Variants in DMD observed in about 807,000 individuals in gnomAD.
The protein encoded by DMD is dystrophin.
A neutral mutation model predicts 330.1 loss-of-function variants in DMD; 63 were observed. That is an observed-to-expected ratio of 0.19 (90% CI 0.16 to 0.24). The LOEUF is 0.24. Among genes scored for constraint, DMD ranks in the 10% least tolerant of loss-of-function variants. The pLI is 1.00. For synonymous variants in DMD, 1,223 were observed against 959.8 expected (o/e 1.27, Z -5.07); for missense variants, 3,344 against 2,684.1 (o/e 1.25, Z -5.43).
intron 44 of DMD, among the ~76,000 whole-genome samples, chrX:31,981,325 A>C (rs1294691857): frequency 8.9e-6 from 1 of 111,853 alleles, no homozygotes; most frequent in African/African-American, 3.3e-5. Context: ...AAAGCTCTTT[A>C]GAATAAAATT....
intron 9 of DMD, among the ~76,000 whole-genome samples, chrX:32,646,856 A>T: frequency 9.0e-6 from 1 of 111,591 alleles, no homozygotes; most frequent in Non-Finnish European, 1.9e-5. Context: ...TCATCCTGGT[A>T]AGTCAAAATC....
intron 43 of DMD, among the ~76,000 whole-genome samples, chrX:32,246,801 G>C (rs759715629): frequency 9.0e-6 from 1 of 110,644 alleles, no homozygotes; most frequent in African/African-American, 3.3e-5. Context: ...TGTGGGATCG[G>C]TGGTGATATC....
chrX:32,458,171 A>G (rs566758144), intron 25 of DMD, among the ~76,000 whole-genome samples: 1 of 111,002 alleles, frequency 9.0e-6, no homozygotes, highest in Admixed American at 9.7e-5. Context: ...TGATGTGGAT[A>G]GACTTAAACC....
chrX:32,494,683 A>G (rs1440593256), intron 19 of DMD, among the ~76,000 whole-genome samples: 2 of 111,772 alleles, frequency 1.8e-5, no homozygotes, highest in Non-Finnish European at 3.8e-5. Flanking sequence ...GAAATGAAAA[A>G]GAATATTCAG....
At chrX:32,923,434 C>T (rs994673857) in intron 2 of DMD, among the ~76,000 whole-genome samples, 2 of 109,027 alleles carry the variant, frequency 1.8e-5, no homozygotes, top group Non-Finnish European at 3.8e-5. Flanking sequence ...GGTGGCACAC[C>T]CCTGTAATCC....
chrX:32,581,548 A>G (rs1442757946), intron 13 of DMD, among the ~76,000 whole-genome samples: 10 of 112,375 alleles, frequency 8.9e-5, no homozygotes, highest in Admixed American at 5.6e-4. Context: ...CAATAGACCA[A>G]TTCCTAGAAA....
At chrX:32,584,903 C>T (rs1256241305) in intron 13 of DMD, among the ~76,000 whole-genome samples, 1 of 110,966 alleles carries the variant, frequency 9.0e-6, no homozygotes, top group Non-Finnish European at 1.9e-5. Context: ...ATGTCCTTTG[C>T]TTGATACTTC....
At chrX:32,874,876 G>A (rs1421583325) in intron 2 of DMD, among the ~76,000 whole-genome samples, 2 of 111,226 alleles carry the variant, frequency 1.8e-5, no homozygotes, top group Non-Finnish European at 3.8e-5. Flanking sequence ...CTGCTGAACT[G>A]AGCCTTTCAG....
intron 54 of DMD, among the ~76,000 whole-genome samples, chrX:31,630,307 T>A (rs1296586573): frequency 8.9e-6 from 1 of 112,209 alleles, no homozygotes; most frequent in Non-Finnish European, 1.9e-5. Flanking sequence ...GATACCCTTG[T>A]GGTCTGAAAT....
chrX:33,262,847 A>G (rs906566989), intron 1 of DMD, among the ~76,000 whole-genome samples: 4 of 111,253 alleles, frequency 3.6e-5, no homozygotes, highest in African/African-American at 9.8e-5. Flanking sequence ...CTAAAGAATT[A>G]CATGAAAATA....
intron 9 of DMD, among the ~76,000 whole-genome samples, chrX:32,689,905 C>T (rs757022094): frequency 1.4e-4 from 15 of 110,406 alleles, no homozygotes; most frequent in Non-Finnish European, 2.7e-4. Context: ...AAGGAAATTG[C>T]TTCAATGTAA....
chrX:32,080,212 T>C (rs960959918), intron 44 of DMD, among the ~76,000 whole-genome samples: 3 of 112,406 alleles, frequency 2.7e-5, no homozygotes, highest in Non-Finnish European at 5.6e-5. Context: ...GTTTATCTAA[T>C]AATGGACTTT....
At chrX:32,812,465 A>G (rs1370078874) in intron 6 of DMD, among the ~76,000 whole-genome samples, 1 of 110,753 alleles carries the variant, frequency 9.0e-6, no homozygotes, top group African/African-American at 3.3e-5. Context: ...AAACCCCGAC[A>G]CTACTAAAAA....
intron 2 of DMD, among the ~76,000 whole-genome samples, chrX:32,963,519 T>C (rs1034536053): frequency 2.7e-5 from 3 of 112,212 alleles, no homozygotes; most frequent in Admixed American, 9.5e-5. Flanking sequence ...CTTTTTTCTC[T>C]GCATAAATTT....
chrX:33,090,363 A>C (rs1458589683), intron 1 of DMD, among the ~76,000 whole-genome samples: 1 of 108,555 alleles, frequency 9.2e-6, no homozygotes, highest in Non-Finnish European at 1.9e-5. Flanking sequence ...ATTCTATTCT[A>C]TACTATATTA....
chrX:31,861,463 G>A (rs375888337), intron 48 of DMD, among the ~76,000 whole-genome samples: 5 of 109,309 alleles, frequency 4.6e-5, no homozygotes, highest in African/African-American at 1.7e-4. Context: ...GTAAAATGAT[G>A]TGCACAAAGT....
intron 20 of DMD, 81 bp from the exon 21 acceptor site, chrX:32,485,180 G>C: frequency 1.0e-6 from 1 of 973,881 alleles, no homozygotes; most frequent in East Asian, 3.1e-5. Context: ...TTAAAAAGCA[G>C]TAAGGCAAGT....
intron 11 of DMD, among the ~76,000 whole-genome samples, chrX:32,643,329 C>T (rs2146805303): frequency 9.3e-6 from 1 of 107,270 alleles, no homozygotes; most frequent in East Asian, 2.9e-4. Flanking sequence ...TAATGAGTTT[C>T]CTTGGTCCTT....
In DMD at chrX:32,287,502, A is replaced by T. The variant is rs3788896; in HGVS notation, c.6290+27T>A. ...CTGAAAACAAATCATTTCTGCAAGT[A>T]TCAAGAAAAATATATGTGTTACCTA... is the stretch of plus-strand genomic sequence containing the variant. On this transcript the variant is annotated intron_variant, in intron 43 of 78. Transcript: ENST00000357033. The T allele has an allele frequency of 0.062, 73,934 of 1,189,152 alleles. 4,686 individuals are homozygous for T. The highest frequency in any genetic ancestry group is 0.34 in the East Asian group (11,497 of 33,496).
Sources: gnomAD v4.1 joint callset for allele counts (sites outside exome capture counted in the v4.1 genomes callset) on GRCh38, gnomAD v4.1.1 for gene constraint, MANE v1.5 for transcripts, NCBI Gene and HGNC (gene_info 2026-07-23, HGNC 2026-07-21) for gene names.